The following CYP24A1 variants were observed in gnomAD, a reference collection of about 807,000 sequenced individuals.
CYP24A1 encodes 1,25-dihydroxyvitamin D(3) 24-hydroxylase, mitochondrial.
A neutral mutation model predicts 62.4 loss-of-function variants in CYP24A1; 68 were observed. That is an observed-to-expected ratio of 1.09 (90% CI 0.90 to 1.33). The LOEUF is 1.33. CYP24A1 is among the 40% of genes most tolerant of loss of function. The pLI is 0.00. For synonymous variants in CYP24A1, 267 were observed against 253.0 expected, an observed-to-expected ratio of 1.06 and a Z score of -0.52; for missense variants, 787 against 653.0, an observed-to-expected ratio of 1.21 and a Z score of -2.24.
In CYP24A1 at chr20:54,162,787, T is replaced by C; in HGVS notation, c.920A>G (p.His307Arg). The C allele has an allele frequency of 6.4e-7, 1 of 1,566,330 alleles. No homozygotes were observed. Among genetic ancestry groups the C allele is most frequent in the Non-Finnish European group, 8.8e-7 (1 of 1,136,698 alleles). The change falls in exon 7 of 12, where the codon CAC becomes CGC. Residue 307 changes from histidine to arginine, a missense_variant. His to Arg is a conservative substitution (Grantham distance 29). Transcript: ENST00000216862. ...PSADFLCDIYHQNRLSKKELY... is the reference protein window; with the variant it reads ...PSADFLCDIYRQNRLSKKELY... Reference sequence around the variant, plus strand: ...TTCTTTCTTTGAAAGCCGATTCTGGTGATAAATGTCACAAAGGAAATCTGC... The same window carrying C: ...TTCTTTCTTTGAAAGCCGATTCTGGCGATAAATGTCACAAAGGAAATCTGC...
intron 7 of CYP24A1, among the ~76,000 whole-genome samples, chr20:54,161,923 T>C (rs532297578): frequency 6.6e-6 from 1 of 152,326 alleles, no homozygotes; most frequent in South Asian, 2.1e-4. Flanking sequence ...TTAGAGACTT[T>C]AAGGTGCATG....
Position 54,171,599 on chromosome 20 carries a change from T to A in CYP24A1, c.521A>T (p.Lys174Met). The A allele has an allele frequency of 3.1e-6, 5 of 1,613,964 alleles. No homozygotes were observed. Among genetic ancestry groups the A allele is most frequent in the Non-Finnish European group, 4.2e-6 (5 of 1,179,864 alleles). Residue 174 changes from lysine to methionine, a missense_variant, in exon 3 of 12, where the codon AAG (lysine) becomes ATG (methionine). Physicochemically the swap from Lys to Met is moderately conservative, Grantham distance 95. Coordinates refer to ENST00000216862, the MANE Select transcript of CYP24A1 (RefSeq NM_000782.5). ...KKLMKPGEVM[K>M]LDNKINEVLA... is the part of the protein sequence containing the mutation. The stretch of plus-strand genomic sequence containing the variant: ...GACCTCATTGATTTTGTTGTCCAGC[T>A]TCATCACTTCCCCTGGTTTCATTAG...
chr20:54,168,672 TTC>T (rs575587461), intron 4 of CYP24A1, among the ~76,000 whole-genome samples: 2 of 152,118 alleles, frequency 1.3e-5, no homozygotes, highest in East Asian at 1.9e-4. Context: ...TGTTATTTCT[TTC>T]TCTCTCTCTC....
intron 11 of CYP24A1, 25 bp downstream of exon 11, chr20:54,157,144 G>T: frequency 2.7e-6 from 3 of 1,104,078 alleles, no homozygotes; most frequent in East Asian, 2.4e-5. Flanking sequence ...CCTTGCAGAG[G>T]ATAATGAACC....
At chr20:54,149,810 C>A (rs141757936), downstream of CYP24A1, among the ~76,000 whole-genome samples, 1 of 152,178 alleles carries the variant, frequency 6.6e-6, no homozygotes, top group Admixed American at 6.5e-5. Flanking sequence ...AGATGAGAAA[C>A]GAGATCCACC....
intron 11 of CYP24A1, 136 bp downstream of exon 11, chr20:54,157,020 AGTAGAGAGTTTAG>A: frequency 1.6e-6 from 1 of 615,296 alleles, no homozygotes; most frequent in South Asian, 1.9e-5. Flanking sequence ...AAAAAAAGGA[AGTAGAGAGTTTAG>A]GGAACTGCTC....
At position 54,173,542 on chromosome 20, in the gene CYP24A1, G is replaced by A; in HGVS notation, c.38C>T (p.Ala13Val). The A allele has an allele frequency of 6.3e-7, 1 of 1,581,404 alleles. No homozygotes were observed. The highest frequency in any genetic ancestry group is 1.1e-5 in the South Asian group (1 of 87,424). ...SPISKSRSLA[A>V]FLQQLRSPRQ... ...CGGACTGCGCAGCTGCTGCAGGAAG[G>A]CGGCAAGCGAGCGGCTCTTGCTGAT... The change falls in exon 1 of 12, where the codon GCC becomes GTC. Residue 13 changes from alanine to valine, a missense_variant. Transcript: ENST00000216862. This position sits in a 1 kb window ranked among gnomAD's most constrained non-coding sequence, Gnocchi z 7.2.
In CYP24A1 at chr20:54,173,134, G is replaced by A. The variant is rs548016409; in HGVS notation, c.259-35C>T. The A allele has an allele frequency of 3.8e-6, 6 of 1,596,098 alleles. No individual in the cohort carries two copies. The highest frequency in any genetic ancestry group is 2.7e-5 in the African/African-American group (2 of 74,926). Reference sequence around the variant, plus strand: ...GCCGGGCACAGCGCGGTGTCAGCGCGCATCCTCCGCCGTGCCCGAAGCGCT... The same window carrying A: ...GCCGGGCACAGCGCGGTGTCAGCGCACATCCTCCGCCGTGCCCGAAGCGCT... On this transcript the variant is annotated intron_variant, in intron 1 of 11. Transcript: ENST00000216862. The surrounding 1 kb of genome is among the most constrained non-coding windows in gnomAD (Gnocchi z 7.2).
chr20:54,158,740 G>T (rs1282129187), intron 8 of CYP24A1, among the ~76,000 whole-genome samples: 1 of 152,156 alleles, frequency 6.6e-6, no homozygotes, highest in Non-Finnish European at 1.5e-5. Flanking sequence ...TTGAATTAAA[G>T]GGGAGGGCAC....
chr20:54,157,108 T>G (rs1267589789), intron 11 of CYP24A1, 61 bp downstream of exon 11: 1 of 845,638 alleles, frequency 1.2e-6, no homozygotes, highest in Non-Finnish European at 2.0e-6. Context: ...CTTCCCAGCA[T>G]AGCTCATCCC....
rs1601152889 is a variant in CYP24A1 at position 54,173,686 on chromosome 20, CAA to C, written c.-109_-108del. On this transcript the variant is annotated 5_prime_UTR_variant, in exon 1 of 12. Coordinates refer to ENST00000216862, the MANE Select transcript of CYP24A1 (RefSeq NM_000782.5). The surrounding 1 kb of genome is among the most constrained non-coding windows in gnomAD (Gnocchi z 7.2). ...GCTTAACGATTCTGGGAAAAGGAAG[CAA>C]AGAGGGCCAGCTGGTGTGATGGAGC... 6.8e-6 allele frequency: 5 copies of C among 732,084 alleles called. No individual in the cohort carries two copies. In the East Asian group the frequency reaches 1.3e-4, roughly 20 times the overall value. The allele number at this position is 732,084 out of a possible 1,614,324, so 45.3% of individuals were successfully genotyped here. A position where few individuals can be genotyped will look rare whatever the true frequency, so the allele number is the denominator to read the frequency against.
intron 2 of CYP24A1, 130 bp from the exon 3 acceptor site, chr20:54,171,800 G>A (rs1480996570): frequency 7.0e-6 from 11 of 1,562,324 alleles, no homozygotes; most frequent in Non-Finnish European, 9.5e-6. Flanking sequence ...GAAATAGCCA[G>A]AGAATATTAG....
At chr20:54,170,460 C>G (rs1466535933) in intron 3 of CYP24A1, among the ~76,000 whole-genome samples, 1 of 152,138 alleles carries the variant, frequency 6.6e-6, no homozygotes, top group East Asian at 1.9e-4. Flanking sequence ...ATCCTGGACC[C>G]TGCCGTGAGC....
At chr20:54,170,233 G>A (rs147703582) in intron 3 of CYP24A1, among the ~76,000 whole-genome samples, 4 of 152,258 alleles carry the variant, frequency 2.6e-5, no homozygotes, top group African/African-American at 7.2e-5. Flanking sequence ...AAGACCTTTG[G>A]ATGCCAGTTT....
At chr20:54,159,319 A>T (rs1467416196) in intron 7 of CYP24A1, among the ~76,000 whole-genome samples, 196 bp from the exon 8 acceptor site, 1 of 152,200 alleles carries the variant, frequency 6.6e-6, no homozygotes, top group Non-Finnish European at 1.5e-5. Flanking sequence ...CATATCAATT[A>T]AGGATATATT....
downstream of CYP24A1, among the ~76,000 whole-genome samples, chr20:54,152,116 G>A (rs559455682): frequency 4.6e-5 from 7 of 152,174 alleles, no homozygotes; most frequent in East Asian, 7.7e-4. Flanking sequence ...CCCATTTGCC[G>A]GTCTTTGTGC....
chr20:54,163,591 ACC>A (rs148328441), intron 6 of CYP24A1, among the ~76,000 whole-genome samples: 2,230 of 152,316 alleles, frequency 0.015, 21 homozygotes, highest in Admixed American at 0.02. Context: ...TGTCTCAGGT[ACC>A]CCTCTCAGGG....
rs967503395 is a variant in CYP24A1 at position 54,173,639 on chromosome 20, C to T, written c.-60G>A. 6.1e-6 allele frequency: 8 copies of T among 1,319,076 alleles called. No homozygotes were observed. The highest frequency in any genetic ancestry group is 2.6e-5 in the South Asian group (2 of 77,910). The allele number at this position is 1,319,076 out of a possible 1,614,324, so 81.7% of individuals were successfully genotyped here. A position where few individuals can be genotyped will look rare whatever the true frequency, so the allele number is the denominator to read the frequency against. On this transcript the variant is annotated 5_prime_UTR_variant, in exon 1 of 12. Coordinates refer to ENST00000216862, the MANE Select transcript of CYP24A1 (RefSeq NM_000782.5). This position sits in a 1 kb window ranked among gnomAD's most constrained non-coding sequence, Gnocchi z 7.2. ...AGGATGGGGTGGGGCGAGGTTGGTA[C>T]GAGGTGCTAGTGGGAGTCGGGGCTT...
At chr20:54,165,234 T>G (rs779622790) in intron 5 of CYP24A1, among the ~76,000 whole-genome samples, 25 of 152,364 alleles carry the variant, frequency 1.6e-4, no homozygotes, top group South Asian at 2.1e-4. Flanking sequence ...CTCAGATCAA[T>G]GGCTGCATTA....
Sources: gnomAD v4.1 joint callset for allele counts (sites outside exome capture counted in the v4.1 genomes callset) on GRCh38, gnomAD v4.1.1 for gene constraint, Gnocchi (gnomAD v3.1) non-coding constraint, MANE v1.5 for transcripts, NCBI Gene and HGNC (gene_info 2026-07-23, HGNC 2026-07-21) for gene names.